CAB39: variants seen among roughly 807,000 people sequenced by gnomAD.
The protein encoded by CAB39 is calcium binding protein 39.
Under a neutral mutation model 40.0 loss-of-function variants are expected in CAB39, and 8 were observed. That is an observed-to-expected ratio of 0.20 (90% CI 0.12 to 0.36). The LOEUF is 0.36. Among genes scored for constraint, CAB39 ranks in the 10% least tolerant of loss-of-function variants. The probability of loss-of-function intolerance (pLI) is 1.00; values close to 1 mark genes in which losing one functional copy is unlikely to be tolerated. For synonymous variants in CAB39, 156 were observed against 141.6 expected (o/e 1.10, Z -0.72); for missense variants, 270 against 401.1 (o/e 0.67, Z 2.79).
intron 1 of CAB39, among the ~76,000 whole-genome samples, chr2:230,748,826 AAAAAAATATATATATATATATAT>A (rs1457136527): frequency 5.7e-5 from 4 of 70,560 alleles, no homozygotes; most frequent in Admixed American, 4.9e-4. Flanking sequence ...AAAAAAAAAA[AAAAAAATATATATATATATATAT>A]ATATATATAT....
intron 1 of CAB39, among the ~76,000 whole-genome samples, chr2:230,715,732 T>A (rs1404994586): frequency 6.6e-6 from 1 of 152,258 alleles, no homozygotes; most frequent in Admixed American, 6.5e-5. Context: ...AGACAGGTTC[T>A]CACTCGGTCG....
intron 1 of CAB39, among the ~76,000 whole-genome samples, chr2:230,738,259 C>T (rs951833219): frequency 3.3e-5 from 5 of 152,172 alleles, no homozygotes; most frequent in Admixed American, 6.5e-5. Flanking sequence ...AAACACCTAG[C>T]GAATATGTAC....
chr2:230,730,352 G>A lies in CAB39; in HGVS notation c.-44+17122G>A, dbSNP rs150497510. Among the ~76,000 whole-genome samples the A allele has an allele frequency of 6.9e-3, 1,056 of 152,090 alleles. 11 individuals carry two copies. The highest frequency in any genetic ancestry group is 0.027 in the Middle Eastern group (8 of 294). On this transcript the variant is annotated intron_variant, in intron 1 of 8. Transcript: ENST00000258418. ...ATTTTTAAATGATTGGTTATTCTTT[G>A]GGAAAATGAATTGTGATAATTAAGC...
chr2:230,736,087 TG>T (rs1282836765), intron 1 of CAB39, among the ~76,000 whole-genome samples: 1 of 152,172 alleles, frequency 6.6e-6, no homozygotes, highest in Non-Finnish European at 1.5e-5. Flanking sequence ...TCAAGAAAAA[TG>T]GTGGAAGTCT....
chr2:230,796,690 C>T (rs778093262), intron 4 of CAB39, among the ~76,000 whole-genome samples: 3 of 151,822 alleles, frequency 2.0e-5, no homozygotes, highest in Non-Finnish European at 2.9e-5. Context: ...GAGGACACCA[C>T]TACTAGATAA....
intron 2 of CAB39, among the ~76,000 whole-genome samples, chr2:230,786,907 G>T (rs1241338269): frequency 6.6e-6 from 1 of 151,764 alleles, no homozygotes; most frequent in Non-Finnish European, 1.5e-5. Context: ...CTGGGTTACT[G>T]AATTTGCATA....
intron 2 of CAB39, among the ~76,000 whole-genome samples, chr2:230,787,994 G>A (rs962661003): frequency 1.3e-5 from 2 of 152,134 alleles, no homozygotes; most frequent in Admixed American, 6.5e-5. Context: ...AAATATTTAA[G>A]GTAAAGTCAT....
intron 2 of CAB39, among the ~76,000 whole-genome samples, chr2:230,789,723 C>A (rs1251921950): frequency 1.3e-5 from 2 of 152,190 alleles, no homozygotes; most frequent in Non-Finnish European, 2.9e-5. Flanking sequence ...GCAGCTCTTT[C>A]CTCTCTGCCA....
At chr2:230,767,977 C>T (rs1374595763) in intron 2 of CAB39, among the ~76,000 whole-genome samples, 2 of 152,190 alleles carry the variant, frequency 1.3e-5, no homozygotes, top group African/African-American at 2.4e-5. Context: ...TTCCTCTTCC[C>T]CCTTATCTTG....
At chr2:230,808,452 A>G (rs578244275) in intron 5 of CAB39, among the ~76,000 whole-genome samples, 5 of 152,304 alleles carry the variant, frequency 3.3e-5, no homozygotes, top group Admixed American at 1.3e-4. Context: ...AGCATGTTAA[A>G]TGGTGCTGTC....
intron 7 of CAB39, among the ~76,000 whole-genome samples, chr2:230,816,044 T>C (rs1036841353): frequency 1.2e-4 from 18 of 151,978 alleles, no homozygotes; most frequent in Admixed American, 1.1e-3. Context: ...GAGGCCAAGG[T>C]GGGTGGATGG....
intron 1 of CAB39, among the ~76,000 whole-genome samples, chr2:230,724,717 A>G (rs1016336449): frequency 8.6e-5 from 13 of 151,326 alleles, no homozygotes; most frequent in Non-Finnish European, 1.3e-4. Flanking sequence ...AAAAAAAAAA[A>G]AAAAACCTCT....
intron 2 of CAB39, among the ~76,000 whole-genome samples, chr2:230,778,572 G>A (rs1695634774): frequency 1.3e-5 from 2 of 152,126 alleles, no homozygotes; most frequent in Non-Finnish European, 2.9e-5. Context: ...AAGGCCATTT[G>A]TACTAATGTT....
chr2:230,754,483 C>T (rs1310774137), intron 1 of CAB39, among the ~76,000 whole-genome samples: 6 of 149,258 alleles, frequency 4.0e-5, no homozygotes, highest in Non-Finnish European at 7.4e-5. Flanking sequence ...CCTACTCCTT[C>T]CGCTCCTCTT....
intron 5 of CAB39, among the ~76,000 whole-genome samples, chr2:230,805,506 A>G (rs545637243): frequency 6.6e-6 from 1 of 152,294 alleles, no homozygotes; most frequent in African/African-American, 2.4e-5. Flanking sequence ...TCTCATAGGT[A>G]CTGGTGGATT....
At chr2:230,759,643 T>C (rs1254098791) in intron 1 of CAB39, among the ~76,000 whole-genome samples, 4 of 152,352 alleles carry the variant, frequency 2.6e-5, no homozygotes, top group Non-Finnish European at 5.9e-5. Context: ...GCAGTTGCCC[T>C]GTGAGTGGGA....
intron 1 of CAB39, among the ~76,000 whole-genome samples, chr2:230,719,745 A>G (rs1417652481): frequency 1.3e-5 from 2 of 152,142 alleles, no homozygotes; most frequent in Non-Finnish European, 2.9e-5. Context: ...TCATCCCATT[A>G]TTATACCAAG....
chr2:230,750,333 G>A (rs552401554), intron 1 of CAB39, among the ~76,000 whole-genome samples: 5 of 152,300 alleles, frequency 3.3e-5, no homozygotes, highest in African/African-American at 1.2e-4. Flanking sequence ...TTTATAAAGT[G>A]AGGCCACCTC....
chr2:230,774,769 G>A (rs1012171545), intron 2 of CAB39, among the ~76,000 whole-genome samples: 1 of 151,716 alleles, frequency 6.6e-6, no homozygotes, highest in African/African-American at 2.4e-5. Context: ...TACTAAACTT[G>A]TTTACAGTAA....
Sources: gnomAD v4.1 joint callset for allele counts (sites outside exome capture counted in the v4.1 genomes callset) on GRCh38, gnomAD v4.1.1 for gene constraint, MANE v1.5 for transcripts, NCBI Gene and HGNC (gene_info 2026-07-23, HGNC 2026-07-21) for gene names.